The following ERN2 variants were observed in gnomAD, a reference collection of about 807,000 sequenced individuals.
ERN2 encodes the protein endoplasmic reticulum to nucleus signaling 2, also known as serine/threonine-protein kinase/endoribonuclease IRE2.
ERN2 carries 111 observed loss-of-function variants against 107.9 expected under a neutral mutation model. The ratio of observed to expected loss-of-function variants is 1.03; its 90% CI spans 0.88 to 1.20. The LOEUF is 1.20. ERN2 is among the 50% of genes most tolerant of loss of function. The probability of loss-of-function intolerance (pLI) is 0.00; values close to 1 mark genes in which losing one functional copy is unlikely to be tolerated. For synonymous variants in ERN2, 524 were observed against 501.7 expected (o/e 1.04, Z -0.59); for missense variants, 1,225 against 1,197.9 (o/e 1.02, Z -0.33).
intron 19 of ERN2, 106 bp from the exon 20 acceptor site, chr16:23,691,531 G>T: frequency 7.5e-7 from 1 of 1,336,140 alleles, no homozygotes; most frequent in Non-Finnish European, 1.0e-6. Context: ...AAGGATCATT[G>T]CCTCTGGGGG....
chr16:23,702,117 T>C, intron 11 of ERN2, 35 bp downstream of exon 11: 1 of 1,593,352 alleles, frequency 6.3e-7, no homozygotes, highest in East Asian at 2.2e-5. Context: ...TGCTGGGGCC[T>C]CCCTACCCCC....
chr16:23,692,392 A>T (rs1258582317), intron 17 of ERN2, 61 bp from the exon 18 acceptor site: 1 of 1,577,744 alleles, frequency 6.3e-7, no homozygotes, highest in East Asian at 2.2e-5. Context: ...CAGCCTGGCT[A>T]AATTCTCCCA....
chr16:23,710,289 CT>C, intron 3 of ERN2, 45 bp from the exon 4 acceptor site: 1 of 1,532,182 alleles, frequency 6.5e-7, no homozygotes, highest in Non-Finnish European at 9.0e-7. Context: ...TTCTTGCCCC[CT>C]GGTTTCATGA....
intron 14 of ERN2, 25 bp from the exon 15 acceptor site, chr16:23,695,414 C>CA: frequency 6.4e-7 from 1 of 1,562,684 alleles, no homozygotes; most frequent in African/African-American, 1.4e-5. Context: ...ATGGCGGGGG[C>CA]AGGGGGGCAT....
rs1318982080 is a variant in ERN2 at position 23,694,881 on chromosome 16, G to T, written c.1947C>A (p.Asp649Glu). Reference protein sequence around the residue: ...KPGNILITGPDSQGLGRVVLS... With the variant: ...KPGNILITGPESQGLGRVVLS... ...GCACCACTCTGCCCAGGCCCTGGCTGTCAGGCCCGGTGATGAGAATATTTC... is the reference window on the plus strand; with the variant it reads ...GCACCACTCTGCCCAGGCCCTGGCTTTCAGGCCCGGTGATGAGAATATTTC... Residue 649 changes from aspartate to glutamate, a missense_variant, in exon 17 of 22, where the codon GAC (aspartate) becomes GAA (glutamate). Physicochemically the swap from Asp to Glu is conservative, Grantham distance 45. Coordinates refer to ENST00000256797, the MANE Select transcript of ERN2 (RefSeq NM_033266.4). The T allele has an allele frequency of 6.2e-7, 1 of 1,614,238 alleles. No homozygotes were observed. Among genetic ancestry groups the T allele is most frequent in the South Asian group, 1.1e-5 (1 of 91,084 alleles).
At chr16:23,703,126 G>C (rs1244150626) in intron 8 of ERN2, among the ~76,000 whole-genome samples, 3 of 152,036 alleles carry the variant, frequency 2.0e-5, no homozygotes, top group Non-Finnish European at 4.4e-5. Flanking sequence ...ATAAACTGTT[G>C]TTTTTTAAGT....
chr16:23,702,112 G>A, intron 11 of ERN2, 40 bp downstream of exon 11: 2 of 1,589,472 alleles, frequency 1.3e-6, no homozygotes, highest in Non-Finnish European at 1.7e-6. Flanking sequence ...CCATCTGCTG[G>A]GGCCTCCCTA....
At position 23,695,293 on chromosome 16, in the gene ERN2, G is replaced by A; in HGVS notation, c.1707C>T (p.Asp569=). The A allele has an allele frequency of 1.9e-6, 3 of 1,614,016 alleles. No individual in the cohort carries two copies. The highest frequency in any genetic ancestry group is 1.7e-4 in the Middle Eastern group (1 of 6,060). Residue 569 remains aspartate, a synonymous_variant, in exon 15 of 22, where the codon GAC becomes GAT. Transcript: ENST00000256797. ...RREVQLLQES[D]RHPNVLRYFC... ...AGTAGCGGAGCACGTTGGGGTGCCTGTCAGACTCCTGCAGCAGTTGAACTT... is the reference window on the plus strand; with the variant it reads ...AGTAGCGGAGCACGTTGGGGTGCCTATCAGACTCCTGCAGCAGTTGAACTT...
Position 23,706,745 on chromosome 16 carries a change from C to T in ERN2, c.487+9G>A. On this transcript the variant is annotated intron_variant, in intron 6 of 21. Coordinates refer to ENST00000256797, the MANE Select transcript of ERN2 (RefSeq NM_033266.4). Reference sequence around the variant, plus strand: ...CCAGAGCTTGAGGAACAGCTGGGGCCCAACTCACGTGTTCGGCCAATGTAG... The same window carrying T: ...CCAGAGCTTGAGGAACAGCTGGGGCTCAACTCACGTGTTCGGCCAATGTAG... 6.3e-7 allele frequency: 1 copy of T among 1,584,706 alleles called. No individual in the cohort carries two copies. Among genetic ancestry groups the T allele is most frequent in the Non-Finnish European group, 8.6e-7 (1 of 1,158,044 alleles).
At chr16:23,698,989 G>T (rs1299678258) in intron 13 of ERN2, among the ~76,000 whole-genome samples, 1 of 152,240 alleles carries the variant, frequency 6.6e-6, no homozygotes, top group Non-Finnish European at 1.5e-5. Context: ...CCTGGGGAAA[G>T]ATGGAGTCCT....
chr16:23,707,267 A>C, intron 4 of ERN2, 188 bp from the exon 5 acceptor site: 1 of 601,176 alleles, frequency 1.7e-6, no homozygotes, highest in East Asian at 2.9e-5. Context: ...TAAATGGCAG[A>C]GCCTGGCCTT....
chr16:23,692,147 C>T (rs752664735), intron 18 of ERN2, 37 bp downstream of exon 18: 21 of 1,613,708 alleles, frequency 1.3e-5, no homozygotes, highest in South Asian at 4.4e-5. Flanking sequence ...GCGTCTTGCC[C>T]GTCCTCCCTT....
chr16:23,691,101 C>T, intron 21 of ERN2, 28 bp downstream of exon 21: 1 of 1,613,834 alleles, frequency 6.2e-7, no homozygotes, highest in Non-Finnish European at 8.5e-7. Flanking sequence ...TTCCCAAGAC[C>T]CAGGCCCACC....
chr16:23,708,644 C>T (rs1960420411), intron 4 of ERN2, among the ~76,000 whole-genome samples: 1 of 152,132 alleles, frequency 6.6e-6, no homozygotes, highest in Non-Finnish European at 1.5e-5. Flanking sequence ...AGGCATAAGC[C>T]ACCGTGCCCA....
At chr16:23,710,303 G>C (rs1960488915) in intron 3 of ERN2, 59 bp from the exon 4 acceptor site, 3 of 1,442,820 alleles carry the variant, frequency 2.1e-6, no homozygotes, top group Non-Finnish European at 2.9e-6. Context: ...TTTCATGAAG[G>C]CCCCAAATTC....
At chr16:23,700,516 C>CTTT (rs1960003547) in intron 13 of ERN2, 23 bp downstream of exon 13, 1 of 1,594,988 alleles carries the variant, frequency 6.3e-7, no homozygotes, top group Admixed American at 1.8e-5. Flanking sequence ...CCTGACTGCC[C>CTTT]TGTCTTGTTC....
chr16:23,702,000 G>T (rs372041691), intron 11 of ERN2, 152 bp downstream of exon 11: 1 of 728,584 alleles, frequency 1.4e-6, no homozygotes, highest in East Asian at 2.7e-5. Context: ...AACAAGTTGT[G>T]TTGTTCCCAA....
In ERN2 at chr16:23,690,959, G is replaced by T. The variant is rs771312988; in HGVS notation, c.2653C>A (p.Arg885Ser). The change falls in exon 22 of 22, where the codon CGC (arginine) becomes AGC (serine). Residue 885 changes from arginine to serine, a missense_variant. Physicochemically the swap from Arg to Ser is moderately radical, Grantham distance 110. Coordinates refer to ENST00000256797, the MANE Select transcript of ERN2 (RefSeq NM_033266.4). ...GTGTGGAGGAGCAGCCGTGGGAAGC[G>T]GTTTGTGAAGTACTGGACGAAGCCA... ...PDGFVQYFTN[R>S]FPRLLLHTHR... The T allele has an allele frequency of 1.1e-5, 18 of 1,614,156 alleles. No individual in the cohort carries two copies. The South Asian group carries it at 1.4e-4, about 13-fold the overall frequency.
intron 7 of ERN2, 76 bp downstream of exon 7, chr16:23,706,254 G>T: frequency 5.0e-6 from 5 of 997,100 alleles, no homozygotes; most frequent in Non-Finnish European, 7.3e-6. Flanking sequence ...GCTGGGAATT[G>T]GTCATGGATG....
Sources: gnomAD v4.1 joint callset for allele counts (sites outside exome capture counted in the v4.1 genomes callset) on GRCh38, gnomAD v4.1.1 for gene constraint, MANE v1.5 for transcripts, NCBI Gene and HGNC (gene_info 2026-07-23, HGNC 2026-07-21) for gene names.